The following FAM13A variants were observed in gnomAD, a reference collection of about 807,000 sequenced individuals.
FAM13A encodes the protein family with sequence similarity 13 member A.
In FAM13A, 76 loss-of-function variants were observed where a neutral mutation model predicts 129.6. The ratio of observed to expected loss-of-function variants is 0.59; its 90% confidence interval spans 0.49 to 0.71. The LOEUF (loss-of-function observed/expected upper bound fraction) is 0.71. FAM13A is among the 30% of genes least tolerant of loss of function. The pLI is 0.00. For synonymous variants in FAM13A, 443 were observed against 449.9 expected, an observed-to-expected ratio of 0.98 and a Z score of 0.20; for missense variants, 1,108 against 1,249.3, an observed-to-expected ratio of 0.89 and a Z score of 1.70.
At chr4:88,938,714 C>T (rs1360114145) in intron 4 of FAM13A, among the ~76,000 whole-genome samples, 1 of 152,016 alleles carries the variant, frequency 6.6e-6, no homozygotes, top group East Asian at 1.9e-4. Flanking sequence ...AAGTGATGAG[C>T]GCATGGAAGG....
intron 2 of FAM13A, among the ~76,000 whole-genome samples, chr4:89,024,406 C>T (rs928207291): frequency 1.3e-5 from 2 of 152,222 alleles, no homozygotes; most frequent in East Asian, 3.9e-4. Flanking sequence ...AATGTATATA[C>T]CTTTAAATGA....
intron 7 of FAM13A, among the ~76,000 whole-genome samples, chr4:88,833,196 T>G (rs1336596743): frequency 6.6e-6 from 1 of 152,022 alleles, no homozygotes; most frequent in Non-Finnish European, 1.5e-5. Context: ...ACATGGACAC[T>G]GGGAGCAGAA....
intron 6 of FAM13A, among the ~76,000 whole-genome samples, chr4:88,868,329 T>C (rs1170652647): frequency 6.6e-6 from 1 of 152,234 alleles, no homozygotes; most frequent in African/African-American, 2.4e-5. Context: ...CTCTCCTTGA[T>C]GAAGGCACGA....
At chr4:88,850,434 G>A (rs1737368423) in intron 7 of FAM13A, among the ~76,000 whole-genome samples, 1 of 152,144 alleles carries the variant, frequency 6.6e-6, no homozygotes, top group South Asian at 2.1e-4. Context: ...GCACACACCT[G>A]TAGTCTTAGC....
rs938251781 is a variant in FAM13A at position 88,804,131 on chromosome 4, G to T, written c.1049+880C>A. Among the ~76,000 whole-genome samples the T allele has an allele frequency of 5.7e-4, 87 of 152,050 alleles. 1 individual carries two copies. Among genetic ancestry groups the T allele is most frequent in the Non-Finnish European group, 1.2e-3 (82 of 68,002 alleles). ...TAGCCGGGCGTGGTGGTGGGTGCCTGTAATCCCAGCTACTCGGGAGGCTGA... is the reference window on the plus strand; with the variant it reads ...TAGCCGGGCGTGGTGGTGGGTGCCTTTAATCCCAGCTACTCGGGAGGCTGA... On this transcript the variant is annotated intron_variant, in intron 8 of 23. Transcript: ENST00000264344.
intron 7 of FAM13A, among the ~76,000 whole-genome samples, chr4:88,825,231 G>A (rs538883494): frequency 2.0e-5 from 3 of 148,522 alleles, no homozygotes; most frequent in South Asian, 2.1e-4. Flanking sequence ...TTTTTTTGGG[G>A]GGGGGATGGA....
chr4:88,883,552 C>T (rs1190279305), intron 6 of FAM13A, among the ~76,000 whole-genome samples: 1 of 152,012 alleles, frequency 6.6e-6, no homozygotes, highest in East Asian at 1.9e-4. Context: ...ATGCCTACAT[C>T]AAAAAGTCTG....
At chr4:88,823,351 TG>T (rs1732417323) in intron 7 of FAM13A, 2 of 1,065,558 alleles carry the variant, frequency 1.9e-6, no homozygotes, top group Non-Finnish European at 2.3e-6. Context: ...CTACTCCTTC[TG>T]CTCCTCAATG....
intron 6 of FAM13A, among the ~76,000 whole-genome samples, chr4:88,868,997 T>C (rs1304985681): frequency 1.3e-5 from 2 of 152,230 alleles, no homozygotes; most frequent in South Asian, 2.1e-4. Flanking sequence ...ATTTGGAAGA[T>C]GGTAAAACTA....
intron 6 of FAM13A, among the ~76,000 whole-genome samples, chr4:88,865,188 G>A (rs1226505271): frequency 1.3e-5 from 2 of 152,022 alleles, no homozygotes; most frequent in Admixed American, 1.3e-4. Context: ...TATTATTTTT[G>A]CCTTAGCCTA....
intron 21 of FAM13A, among the ~76,000 whole-genome samples, chr4:88,735,502 TAGG>T (rs914487368): frequency 2.5e-4 from 38 of 152,300 alleles, no homozygotes; most frequent in Non-Finnish European, 4.4e-4. Flanking sequence ...TTATGTTGGC[TAGG>T]AGAACTGATT....
intron 8 of FAM13A, among the ~76,000 whole-genome samples, chr4:88,796,167 T>C (rs1334100391): frequency 6.6e-6 from 1 of 151,894 alleles, no homozygotes; most frequent in Non-Finnish European, 1.5e-5. Flanking sequence ...AAAATAAGTT[T>C]AGACTTTATT....
chr4:88,907,142 T>C (rs1748303144), intron 5 of FAM13A, among the ~76,000 whole-genome samples: 1 of 152,196 alleles, frequency 6.6e-6, no homozygotes, highest in Admixed American at 6.5e-5. Flanking sequence ...GTTTTGTTGT[T>C]TCAATAATGC....
intron 5 of FAM13A, among the ~76,000 whole-genome samples, chr4:88,907,584 G>A (rs1025121447): frequency 5.3e-5 from 8 of 152,166 alleles, no homozygotes; most frequent in African/African-American, 1.9e-4. Context: ...GCTAAAGACT[G>A]CATTTATAAT....
At chr4:88,804,725 C>T (rs1728214907) in intron 8 of FAM13A, among the ~76,000 whole-genome samples, 2 of 152,040 alleles carry the variant, frequency 1.3e-5, no homozygotes, top group Admixed American at 6.5e-5. Flanking sequence ...TTTAACTTTG[C>T]TTACAGCCTA....
chr4:88,743,655 GCAT>G (rs1353711753), intron 19 of FAM13A, among the ~76,000 whole-genome samples: 2 of 152,130 alleles, frequency 1.3e-5, no homozygotes, highest in African/African-American at 4.8e-5. Context: ...CATCAATACA[GCAT>G]CATCAATATA....
intron 7 of FAM13A, among the ~76,000 whole-genome samples, chr4:88,841,955 G>A (rs1418926629): frequency 2.6e-5 from 4 of 152,156 alleles, no homozygotes; most frequent in Non-Finnish European, 5.9e-5. Context: ...CTACAGAAAT[G>A]TTCATCCTAG....
intron 13 of FAM13A, among the ~76,000 whole-genome samples, chr4:88,766,202 A>G (rs1397939713): frequency 6.6e-6 from 1 of 152,196 alleles, no homozygotes; most frequent in Non-Finnish European, 1.5e-5. Flanking sequence ...GTTAGATAGG[A>G]GAAGAGTAGG....
intron 11 of FAM13A, 90 bp from the exon 12 acceptor site, chr4:88,768,149 A>T: frequency 1.5e-6 from 1 of 684,882 alleles, no homozygotes; most frequent in Non-Finnish European, 2.6e-6. Context: ...AAAATCAAAT[A>T]ATATGTATAT....
Sources: allele counts gnomAD v4.1 joint callset (sites outside exome capture counted in the v4.1 genomes callset), GRCh38; gene constraint gnomAD v4.1.1; transcripts MANE v1.5; gene names NCBI Gene and HGNC (gene_info 2026-07-23, HGNC 2026-07-21).